Variants in C2orf76 observed in about 807,000 individuals in gnomAD.
C2orf76 encodes chromosome 2 open reading frame 76.
In C2orf76, 23 loss-of-function variants were observed where a neutral mutation model predicts 16.9. The observed-to-expected ratio is 1.36, with a 90% confidence interval of 0.98 to 1.93. C2orf76 has a LOEUF of 1.93. C2orf76 is among the 30% of genes most tolerant of loss of function. The pLI, the probability that C2orf76 is intolerant of heterozygous loss-of-function variation, is 0.00. For synonymous variants in C2orf76, 48 were observed against 52.3 expected, an observed-to-expected ratio of 0.92 and a Z score of 0.35; for missense variants, 152 against 152.6, an observed-to-expected ratio of 1.00 and a Z score of 0.02.
At chr2:119,304,166 T>C (rs6542519) in intron 5 of C2orf76, among the ~76,000 whole-genome samples, 115,198 of 152,146 alleles carry the variant, frequency 0.76, 44,731 homozygotes, top group African/African-American at 0.94. Context: ...CAGAGGTAGA[T>C]GTATATAATT....
intron 4 of C2orf76, among the ~76,000 whole-genome samples, chr2:119,315,452 A>G (rs1679138951): frequency 6.6e-6 from 1 of 152,218 alleles, no homozygotes; most frequent in Non-Finnish European, 1.5e-5. Context: ...AGGCCAAGCC[A>G]GCAATGCCAC....
chr2:119,281,193 G>C, the C2orf76 span, among the ~76,000 whole-genome samples: 2 of 152,080 alleles, frequency 1.3e-5, no homozygotes, highest in African/African-American at 4.8e-5. Flanking sequence ...TCTCATGGGG[G>C]TTTGTTGTAC....
At chr2:119,310,253 C>T (rs886366113) in intron 5 of C2orf76, among the ~76,000 whole-genome samples, 1 of 152,108 alleles carries the variant, frequency 6.6e-6, no homozygotes, top group African/African-American at 2.4e-5. Flanking sequence ...GCTACATGCC[C>T]CAATCACAAA....
chr2:119,331,151 G>C (rs1044248324), intron 2 of C2orf76, among the ~76,000 whole-genome samples: 2 of 151,914 alleles, frequency 1.3e-5, no homozygotes, highest in African/African-American at 4.8e-5. Flanking sequence ...CTGTATTCCT[G>C]TAAGCTTTCT....
upstream of C2orf76, chr2:119,367,004 T>A: frequency 6.2e-7 from 1 of 1,613,112 alleles, no homozygotes. Context: ...CGCTTCCTGG[T>A]CCTCGCCTCC....
At chr2:119,291,165 A>G in the C2orf76 span, among the ~76,000 whole-genome samples, 1 of 152,006 alleles carries the variant, frequency 6.6e-6, no homozygotes, top group Non-Finnish European at 1.5e-5. Context: ...ATGGCAGGAA[A>G]GGTGTCATAC....
chr2:119,304,499 C>T (rs1369593128), intron 5 of C2orf76, among the ~76,000 whole-genome samples: 1 of 152,216 alleles, frequency 6.6e-6, no homozygotes, highest in Non-Finnish European at 1.5e-5. Flanking sequence ...ACTGAAACAT[C>T]AATCCATTAT....
intron 5 of C2orf76, among the ~76,000 whole-genome samples, chr2:119,310,739 T>G (rs911935440): frequency 1.3e-5 from 2 of 152,218 alleles, no homozygotes; most frequent in Non-Finnish European, 2.9e-5. Flanking sequence ...CCAAGCGTGC[T>G]GGTGCACACC....
At chr2:119,320,809 G>A (rs965703948) in intron 3 of C2orf76, among the ~76,000 whole-genome samples, 1 of 152,100 alleles carries the variant, frequency 6.6e-6, no homozygotes, top group Admixed American at 6.6e-5. Flanking sequence ...ATCATCAATT[G>A]TAACACATAA....
chr2:119,323,535 T>C (rs542558767), intron 2 of C2orf76, among the ~76,000 whole-genome samples: 2 of 151,752 alleles, frequency 1.3e-5, no homozygotes, highest in East Asian at 1.9e-4. Flanking sequence ...GTCCTAGGAG[T>C]GTGGTCCTCA....
At chr2:119,322,325 AC>A (rs149165029) in intron 2 of C2orf76, among the ~76,000 whole-genome samples, 27 of 151,448 alleles carry the variant, frequency 1.8e-4, no homozygotes, top group African/African-American at 6.6e-4. Context: ...CCCTGCATCA[AC>A]CCCCCAAGTA....
chr2:119,287,456 A>G, the C2orf76 span, among the ~76,000 whole-genome samples: 827 of 151,972 alleles, frequency 5.4e-3, 13 homozygotes, highest in African/African-American at 0.019. Context: ...ACCCCACCAC[A>G]AGGGCCTCTG....
At chr2:119,340,752 T>C (rs1679998196) in intron 1 of C2orf76, among the ~76,000 whole-genome samples, 1 of 117,852 alleles carries the variant, frequency 8.5e-6, no homozygotes, top group South Asian at 2.8e-4. Context: ...TCATGCTTTC[T>C]AATACACACA....
At chr2:119,337,047 A>G (rs940152945) in intron 2 of C2orf76, among the ~76,000 whole-genome samples, 2 of 109,198 alleles carry the variant, frequency 1.8e-5, no homozygotes, top group African/African-American at 7.0e-5. Flanking sequence ...AGTTTCATTT[A>G]TTTATTTATT....
In C2orf76 at chr2:119,339,942, C is replaced by T. The variant is rs373977680; in HGVS notation, c.18G>A (p.Val6=). ...AACGGATGAGGCGAACTGTGATGGT[C>T]ACTTCTCCAGGAGCCATGTGAAGAA... is the stretch of plus-strand genomic sequence containing the variant. The part of the protein sequence containing the change: MAPGE[V]TITVRLIRSF... The change falls in exon 2 of 6, where the codon GTG becomes GTA. Residue 6 remains valine, a synonymous_variant. Coordinates refer to ENST00000334816, the MANE Select transcript of C2orf76 (RefSeq NM_001322331.2). The T allele has an allele frequency of 1.2e-6, 2 of 1,611,648 alleles. No individual in the cohort carries two copies. Among genetic ancestry groups the T allele is most frequent in the Non-Finnish European group, 1.7e-6 (2 of 1,178,038 alleles).
chr2:119,286,906 G>C, the C2orf76 span, among the ~76,000 whole-genome samples: 3 of 152,174 alleles, frequency 2.0e-5, no homozygotes, highest in African/African-American at 7.2e-5. Context: ...TCAGCAAGTA[G>C]TGAAAGGCAA....
At chr2:119,323,348 T>C (rs965401361) in intron 2 of C2orf76, among the ~76,000 whole-genome samples, 3 of 152,156 alleles carry the variant, frequency 2.0e-5, no homozygotes, top group Non-Finnish European at 4.4e-5. Context: ...AAAATGCTTT[T>C]TCAAGATCAA....
At chr2:119,317,295 C>T (rs1163063026) in intron 4 of C2orf76, among the ~76,000 whole-genome samples, 171 bp downstream of exon 4, 2 of 152,032 alleles carry the variant, frequency 1.3e-5, no homozygotes, top group African/African-American at 4.8e-5. Flanking sequence ...AGGGAAATAG[C>T]TTATTTTTCT....
At chr2:119,297,066 C>T in the C2orf76 span, among the ~76,000 whole-genome samples, 11 of 152,226 alleles carry the variant, frequency 7.2e-5, no homozygotes, top group Non-Finnish European at 1.5e-4. Flanking sequence ...CACTCACTCT[C>T]ACAATAAGTA....
Sources: gnomAD v4.1 joint callset for allele counts (sites outside exome capture counted in the v4.1 genomes callset) on GRCh38, gnomAD v4.1.1 for gene constraint, MANE v1.5 for transcripts, NCBI Gene and HGNC (gene_info 2026-07-23, HGNC 2026-07-21) for gene names.